The following SPTAN1 variants were observed in gnomAD, a reference collection of about 807,000 sequenced individuals.
SPTAN1 encodes the protein spectrin alpha chain, non-erythrocytic 1.
A neutral mutation model predicts 331.3 loss-of-function variants in SPTAN1; 61 were observed. The ratio of observed to expected loss-of-function variants is 0.18; its 90% confidence interval spans 0.15 to 0.23. The LOEUF is 0.23. Ranked by LOEUF, SPTAN1 falls within the 10% of genes least tolerant of loss-of-function variation. SPTAN1 has a pLI of 1.00. For synonymous variants in SPTAN1, 1,153 were observed against 1,173.9 expected, an observed-to-expected ratio of 0.98 and a Z score of 0.36; for missense variants, 2,043 against 3,147.9, an observed-to-expected ratio of 0.65 and a Z score of 8.40.
chr9:128,563,331 G>C (rs572259819), intron 1 of SPTAN1, among the ~76,000 whole-genome samples: 60 of 151,926 alleles, frequency 3.9e-4, no homozygotes, highest in African/African-American at 1.4e-3. Flanking sequence ...CGGGAGGATC[G>C]CTGGAGCCCA....
intron 14 of SPTAN1, 110 bp from the exon 15 acceptor site, chr9:128,582,967 T>A (rs1204252888): frequency 6.3e-7 from 1 of 1,580,160 alleles, no homozygotes; most frequent in Admixed American, 1.7e-5. Flanking sequence ...CTACTTAATG[T>A]AAGCCAACTG....
At position 128,555,453 on chromosome 9, in the gene SPTAN1, C is replaced by G. The variant is rs988330449; in HGVS notation, c.-4+2757C>G. 6 of 1,256,442 alleles carry G rather than the reference C, an allele frequency of 4.8e-6. No homozygotes were observed. In the African/African-American group the frequency reaches 7.7e-5, roughly 16 times the overall value. The allele number at this position is 1,256,442 out of a possible 1,614,324, so 77.8% of individuals were successfully genotyped here. ...TGCCTTTTTGGTTTTGCCTGGCTTG[C>G]AGTGAAGGCATATTCGTGTCAAAGA... On this transcript the variant is annotated intron_variant, in intron 1 of 56. Coordinates refer to ENST00000372739, the MANE Select transcript of SPTAN1 (RefSeq NM_001130438.3).
rs763507558 is a variant in SPTAN1 at position 128,618,038 on chromosome 9, G to C, written c.5530G>C (p.Glu1844Gln). 15 of 1,614,102 alleles carry C rather than the reference G, an allele frequency of 9.3e-6. No individual in the cohort carries two copies. Among genetic ancestry groups the C allele is most frequent in the South Asian group, 3.3e-5 (3 of 91,078 alleles). Reference protein sequence around the residue: ...KLSDDNTIGKEEIQQRLAQFV... With the variant: ...KLSDDNTIGKQEIQQRLAQFV... ...GTCCGATGACAACACCATCGGGAAAGAGGAGATCCAGCAGCGGCTGGCGCA... is the reference window on the plus strand; with the variant it reads ...GTCCGATGACAACACCATCGGGAAACAGGAGATCCAGCAGCGGCTGGCGCA... The change falls in exon 43 of 57, where the codon GAG becomes CAG. Residue 1844 changes from glutamate (E) to glutamine (Q), a missense_variant. By Grantham distance (29) the Glu-to-Gln change is conservative. Around this residue, in one of 12 missense-constraint regions of SPTAN1, gnomAD observed 323 missense variants for 581.1 expected, o/e 0.56. Coordinates refer to ENST00000372739, the MANE Select transcript of SPTAN1 (RefSeq NM_001130438.3).
At chr9:128,630,038 A>C in intron 51 of SPTAN1, 6 of 571,776 alleles carry the variant, frequency 1.0e-5, no homozygotes, top group South Asian at 7.8e-5. Context: ...GGGGGAATTT[A>C]AACTCCATTC....
At chr9:128,580,259 TG>T (rs1193749499) in intron 10 of SPTAN1, among the ~76,000 whole-genome samples, 1 of 151,314 alleles carries the variant, frequency 6.6e-6, no homozygotes, top group Non-Finnish European at 1.5e-5. Flanking sequence ...CTGGCTTGAG[TG>T]ACAGAGTGAG....
rs35259242 is a variant in SPTAN1, at chr9:128,556,299, C to CA, written c.-4+3604dup. On this transcript the variant is annotated intron_variant, in intron 1 of 56. Transcript: ENST00000372739. Reference sequence around the variant, plus strand: ...TTTGTTTTCTAAGTCGGACCTTTTTCACAAAAAAAAAATTTAGTATCTTGA... The same window carrying CA: ...TTTGTTTTCTAAGTCGGACCTTTTTCAACAAAAAAAAAATTTAGTATCTTGA... Among the ~76,000 whole-genome samples, 73 of 144,344 alleles carry CA rather than the reference C, an allele frequency of 5.1e-4. No homozygotes were observed. The East Asian group carries it at 7.4e-3, about 15-fold the overall frequency. The allele number at this position is 144,344 out of a possible 152,430, so 94.7% of individuals were successfully genotyped here.
intron 46 of SPTAN1, chr9:128,624,787 A>G: frequency 8.9e-6 from 5 of 564,374 alleles, no homozygotes; most frequent in Non-Finnish European, 1.3e-5. Flanking sequence ...CAAAGGCACC[A>G]CTAGCTGCCC....
At position 128,625,001 on chromosome 9, in the gene SPTAN1, T is replaced by TTATCTG. The variant is rs1858516877; in HGVS notation, c.5993-99_5993-94dup. 1.8e-6 allele frequency: 2 copies of TTATCTG among 1,120,556 alleles called. No individual in the cohort carries two copies. The allele number at this position is 1,120,556 out of a possible 1,614,324, so 69.4% of individuals were successfully genotyped here. ...AGGCTGTAGTTAGGAAGATTGGGAT[T>TTATCTG]TATCTGTACACAAAAAATGGTTTGT... On this transcript the variant is annotated intron_variant, in intron 46 of 56. Transcript: ENST00000372739. The surrounding 1 kb of genome is among the most constrained non-coding windows in gnomAD (Gnocchi z 4.1).
chr9:128,560,842 C>T (rs577295584), intron 1 of SPTAN1, among the ~76,000 whole-genome samples: 2 of 150,880 alleles, frequency 1.3e-5, no homozygotes, highest in East Asian at 2.0e-4. Context: ...TATGGTGAAA[C>T]CCAATCTCTA....
intron 10 of SPTAN1, among the ~76,000 whole-genome samples, chr9:128,580,037 AC>A (rs1851751333): frequency 6.6e-6 from 1 of 152,246 alleles, no homozygotes; most frequent in East Asian, 1.9e-4. Flanking sequence ...ATAAAATGAT[AC>A]ATAGGCCAGG....
rs1242421334 is a variant in SPTAN1 at position 128,605,180 on chromosome 9, T to C, written c.3864+2T>C. The C allele has an allele frequency of 6.2e-7, 1 of 1,613,724 alleles. No homozygotes were observed. The highest frequency in any genetic ancestry group is 8.5e-7 in the Non-Finnish European group (1 of 1,179,922). ...GACCTTGCGGCTCTCGGTGACAAGGTGAGAGGACCCAAAGTCATCTTCTGT... is the reference window on the plus strand; with the variant it reads ...GACCTTGCGGCTCTCGGTGACAAGGCGAGAGGACCCAAAGTCATCTTCTGT... On this transcript the variant is annotated splice_donor_variant, in intron 30 of 56. Coordinates refer to ENST00000372739, the MANE Select transcript of SPTAN1 (RefSeq NM_001130438.3). LOFTEE classifies it high-confidence loss of function.
chr9:128,568,108 A>G (rs989843083), intron 2 of SPTAN1, among the ~76,000 whole-genome samples: 1 of 152,218 alleles, frequency 6.6e-6, no homozygotes, highest in Non-Finnish European at 1.5e-5. Flanking sequence ...CACTTATTTC[A>G]GTGAAAGATT....
chr9:128,582,922 G>A (rs899143689), intron 14 of SPTAN1, 73 bp downstream of exon 14: 15 of 1,602,852 alleles, frequency 9.4e-6, no homozygotes, highest in Non-Finnish European at 1.3e-5. Context: ...ATAAATTGTA[G>A]CTAAAGGACG....
chr9:128,609,439 A>G, intron 36 of SPTAN1, 155 bp downstream of exon 36: 1 of 1,234,862 alleles, frequency 8.1e-7, no homozygotes, highest in South Asian at 1.3e-5. Flanking sequence ...GCCCTAGTCA[A>G]GTTTCAGAGC....
intron 28 of SPTAN1, 30 bp downstream of exon 28, chr9:128,603,620 T>G: frequency 6.2e-7 from 1 of 1,613,660 alleles, no homozygotes. Context: ...TCCTCTGATC[T>G]CCCCTGGTTT....
chr9:128,587,937 C>T (rs1262543056), intron 20 of SPTAN1, among the ~76,000 whole-genome samples: 1 of 152,062 alleles, frequency 6.6e-6, no homozygotes, highest in East Asian at 1.9e-4. Context: ...CCTCCGCCTC[C>T]TGGGTTCAAG....
At chr9:128,573,538 C>T (rs1462182064) in intron 3 of SPTAN1, among the ~76,000 whole-genome samples, 1 of 152,098 alleles carries the variant, frequency 6.6e-6, no homozygotes, top group Non-Finnish European at 1.5e-5. Flanking sequence ...CTCACTGCAA[C>T]CTCCACCTCC....
Position 128,568,896 on chromosome 9 carries a change from G to A in SPTAN1, c.362G>A (p.Arg121Gln), listed in dbSNP as rs942861981. 1.2e-6 allele frequency: 2 copies of A among 1,613,956 alleles called. No homozygotes were observed. Among genetic ancestry groups the A allele is most frequent in the African/African-American group, 1.3e-5 (1 of 75,028 alleles). The part of the protein sequence containing the change: ...SEGHFASETI[R>Q]TRLMELHRQW... Reference sequence around the variant, plus strand: ...GGGCATTTTGCATCTGAAACCATACGGGTGAGTATGAGTAGCTCGTGGAGT... The same window carrying A: ...GGGCATTTTGCATCTGAAACCATACAGGTGAGTATGAGTAGCTCGTGGAGT... Residue 121 changes from arginine (R) to glutamine (Q), a missense_variant and splice_region_variant, in exon 3 of 57, where the codon CGG becomes CAG. Physicochemically the swap from Arg to Gln is conservative, Grantham distance 43. Around this residue, in one of 12 missense-constraint regions of SPTAN1, gnomAD observed 1,038 missense variants for 1,531.5 expected, o/e 0.68. Coordinates refer to ENST00000372739, the MANE Select transcript of SPTAN1 (RefSeq NM_001130438.3).
rs561051992 is a variant in SPTAN1, at chr9:128,616,494, C to T, written c.5357+654C>T. Among the ~76,000 whole-genome samples, 8 of 151,558 alleles carry T rather than the reference C, an allele frequency of 5.3e-5. No homozygotes were observed. The South Asian group carries it at 1.5e-3, about 28-fold the overall frequency. ...CTTAAAAGACGTTTGTGGCCGGGCGCAGTGGCTCACGCCTGTGATCACAGT... is the reference window on the plus strand; with the variant it reads ...CTTAAAAGACGTTTGTGGCCGGGCGTAGTGGCTCACGCCTGTGATCACAGT... On this transcript the variant is annotated intron_variant, in intron 41 of 56. Transcript: ENST00000372739.
Sources: allele counts gnomAD v4.1 joint callset (sites outside exome capture counted in the v4.1 genomes callset), GRCh38; gene constraint gnomAD v4.1.1; regional missense constraint gnomAD v4.1.1; non-coding constraint Gnocchi (gnomAD v3.1); transcripts MANE v1.5; gene names NCBI Gene and HGNC (gene_info 2026-07-23, HGNC 2026-07-21).